Variants in DIPK2B observed in about 807,000 individuals in gnomAD.
DIPK2B encodes the protein UPF0672 protein CXorf36.
In DIPK2B, 15 loss-of-function variants were observed where a neutral mutation model predicts 22.2. That is an observed-to-expected ratio of 0.68 (90% confidence interval 0.45 to 1.04). DIPK2B has a LOEUF of 1.04. Ranked by LOEUF, DIPK2B falls within the 50% of genes least tolerant of loss-of-function variation. The probability of loss-of-function intolerance (pLI) is 0.00; values close to 1 mark genes in which losing one functional copy is unlikely to be tolerated. For missense variants in DIPK2B, 345 were observed against 348.3 expected (o/e 0.99, Z 0.08); for synonymous variants, 163 against 153.2 (o/e 1.06, Z -0.47).
At chrX:45,182,953 T>A (rs1168716057) in intron 2 of DIPK2B, among the ~76,000 whole-genome samples, 2 of 111,605 alleles carry the variant, frequency 1.8e-5, no homozygotes, top group African/African-American at 6.5e-5. Flanking sequence ...CACCCTAGAA[T>A]GTGGTCTTTT....
At chrX:45,198,922 C>T (rs764087789) in intron 1 of DIPK2B, among the ~76,000 whole-genome samples, 13 of 111,348 alleles carry the variant, frequency 1.2e-4, no homozygotes, top group Non-Finnish European at 1.9e-4. Context: ...TTCCCAGTGA[C>T]TTGTGTCCTG....
chrX:45,167,433 G>A (rs1419545827), intron 2 of DIPK2B, among the ~76,000 whole-genome samples: 1 of 101,244 alleles, frequency 9.9e-6, no homozygotes, highest in Non-Finnish European at 2.0e-5. Context: ...TTGAGGCTGC[G>A]CTGAGCTGTG....
intron 2 of DIPK2B, among the ~76,000 whole-genome samples, chrX:45,166,540 C>T (rs1303240230): frequency 1.8e-5 from 2 of 111,181 alleles, no homozygotes; most frequent in South Asian, 7.6e-4. Context: ...ATAATGTGCG[C>T]GAACCTTGTC....
chrX:45,191,099 A>C, intron 2 of DIPK2B, among the ~76,000 whole-genome samples: 1 of 112,109 alleles, frequency 8.9e-6, no homozygotes, highest in East Asian at 2.8e-4. Flanking sequence ...GGTTGGAATG[A>C]AGAAGGATTG....
chrX:45,184,461 T>C (rs760446535), intron 2 of DIPK2B, among the ~76,000 whole-genome samples: 1 of 112,117 alleles, frequency 8.9e-6, no homozygotes, highest in Non-Finnish European at 1.9e-5. Context: ...ATATGTGTAA[T>C]TCAGTAAGTA....
intron 2 of DIPK2B, among the ~76,000 whole-genome samples, chrX:45,160,089 G>A (rs140544820): frequency 0.025 from 2,693 of 109,854 alleles, 88 homozygotes; most frequent in African/African-American, 0.085. Context: ...CTTCCTCTTC[G>A]CCTTCTGCCA....
chrX:45,149,621 G>A lies in DIPK2B; in HGVS notation c.*2031C>T, dbSNP rs1204281496. ...TTGGGTAGCACAGGTGAAAGTCAGA[G>A]GCTGAAGGGGAGGGCAATAGGAGCC... On this transcript the variant is annotated 3_prime_UTR_variant, in exon 5 of 5. Coordinates refer to ENST00000398000, the MANE Select transcript of DIPK2B (RefSeq NM_176819.4). The A allele has an allele frequency of 8.9e-6, 1 of 112,822 alleles. No homozygotes were observed. Among genetic ancestry groups the A allele is most frequent in the Non-Finnish European group, 1.9e-5 (1 of 53,334 alleles). 9.3% of individuals were successfully genotyped at this position (112,822 alleles called of 1,213,427 possible).
In DIPK2B at chrX:45,155,427, A is replaced by ATAT. The variant is rs1372510960; in HGVS notation, c.673-1230_673-1229insATA. Among the ~76,000 whole-genome samples, 475 of 84,528 alleles carry ATAT rather than the reference A, an allele frequency of 5.6e-3. 1 individual carries two copies. The highest frequency in any genetic ancestry group is 0.018 in the African/African-American group (448 of 24,378). The allele number at this position is 84,528 out of a possible 115,157, so 73.4% of individuals were successfully genotyped here. On this transcript the variant is annotated intron_variant, in intron 3 of 4. Coordinates refer to ENST00000398000, the MANE Select transcript of DIPK2B (RefSeq NM_176819.4). ...GACAGAGCGTGACTCTGTCTCAAAAAAAAAATATATATATATATATATATT... is the reference window on the plus strand; with the variant it reads ...GACAGAGCGTGACTCTGTCTCAAAAATATAAAAATATATATATATATATATATT...
At chrX:45,167,788 G>C (rs1247830057) in intron 2 of DIPK2B, among the ~76,000 whole-genome samples, 1 of 111,436 alleles carries the variant, frequency 9.0e-6, no homozygotes, top group African/African-American at 3.3e-5. Context: ...GGGTTCAAGT[G>C]ATTCTCCTGC....
intron 1 of DIPK2B, among the ~76,000 whole-genome samples, chrX:45,196,716 G>A (rs370314950): frequency 4.5e-5 from 5 of 110,637 alleles, no homozygotes; most frequent in South Asian, 3.9e-4. Context: ...CACCCTGCAC[G>A]CACAATACTG....
At chrX:45,168,711 C>T (rs1281352520) in intron 2 of DIPK2B, among the ~76,000 whole-genome samples, 1 of 112,078 alleles carries the variant, frequency 8.9e-6, no homozygotes, top group African/African-American at 3.2e-5. Context: ...TTCCCAGCGC[C>T]TCCCGCATGT....
At chrX:45,153,525 A>ATGTGT (rs2046972480) in intron 4 of DIPK2B, among the ~76,000 whole-genome samples, 1 of 89,409 alleles carries the variant, frequency 1.1e-5, no homozygotes, top group Non-Finnish European at 2.3e-5. Context: ...TGTGTGTGAC[A>ATGTGT]GAGAGAGAGG....
intron 2 of DIPK2B, chrX:45,163,654 A>T (rs2047033261): frequency 1.3e-6 from 1 of 752,607 alleles, no homozygotes. Context: ...TGATTTCATG[A>T]CTCTGATGGA....
intron 2 of DIPK2B, among the ~76,000 whole-genome samples, chrX:45,184,326 G>A (rs1004675843): frequency 8.9e-6 from 1 of 111,866 alleles, no homozygotes; most frequent in African/African-American, 3.3e-5. Flanking sequence ...ATAAGCTGAA[G>A]GTAGTGAGTT....
chrX:45,191,553 T>C, intron 2 of DIPK2B, 198 bp downstream of exon 2: 1 of 461,125 alleles, frequency 2.2e-6, no homozygotes, highest in East Asian at 3.8e-5. Flanking sequence ...GAAATGACAG[T>C]GGGATGGAAC....
intron 2 of DIPK2B, chrX:45,162,320 C>G (rs1383135121): frequency 1.5e-6 from 1 of 684,519 alleles, no homozygotes; most frequent in African/African-American, 2.4e-5. Flanking sequence ...TTTTAAGCCA[C>G]TATGTGTTGA....
chrX:45,157,617 GACATGCAGTA>G (rs2047001378), intron 3 of DIPK2B, 88 bp downstream of exon 3: 1 of 905,776 alleles, frequency 1.1e-6, no homozygotes, highest in East Asian at 3.4e-5. Flanking sequence ...AGTGGCCCAA[GACATGCAGTA>G]AAAGGAGGGA....
chrX:45,182,317 T>A (rs12858707), intron 2 of DIPK2B, among the ~76,000 whole-genome samples: 21,687 of 111,162 alleles, frequency 0.2, 2,216 homozygotes, highest in Non-Finnish European at 0.31. Context: ...CATTAGTTAT[T>A]AGAAAAATGC....
intron 2 of DIPK2B, among the ~76,000 whole-genome samples, chrX:45,165,005 C>T (rs1019915742): frequency 2.7e-5 from 3 of 111,233 alleles, no homozygotes; most frequent in African/African-American, 6.6e-5. Context: ...ATTTCAGAAT[C>T]GCACAGTGTG....
Sources: allele counts gnomAD v4.1 joint callset (sites outside exome capture counted in the v4.1 genomes callset), GRCh38; gene constraint gnomAD v4.1.1; transcripts MANE v1.5; gene names NCBI Gene and HGNC (gene_info 2026-07-23, HGNC 2026-07-21).